The following CABCOCO1 variants were observed in gnomAD, a reference collection of about 807,000 sequenced individuals.
CABCOCO1 encodes ciliary associated calcium binding coiled-coil 1.
Under a neutral mutation model 35.7 loss-of-function variants are expected in CABCOCO1, and 28 were observed. The ratio of observed to expected loss-of-function variants is 0.78; its 90% confidence interval spans 0.58 to 1.07. The LOEUF is 1.07. Among genes scored for constraint, CABCOCO1 ranks in the 50% least tolerant of loss-of-function variants. CABCOCO1 has a pLI of 0.00. For missense variants in CABCOCO1, 326 were observed against 309.2 expected (o/e 1.05, Z -0.41); for synonymous variants, 95 against 100.1 (o/e 0.95, Z 0.30).
At chr10:61,691,678 G>A (rs1343737257) in intron 5 of CABCOCO1, among the ~76,000 whole-genome samples, 2 of 151,534 alleles carry the variant, frequency 1.3e-5, no homozygotes, top group African/African-American at 4.9e-5. Context: ...AGTGTGTGAT[G>A]TTCCCCTCCC....
intron 5 of CABCOCO1, among the ~76,000 whole-genome samples, chr10:61,751,755 T>G (rs1841793400): frequency 6.6e-6 from 1 of 152,180 alleles, no homozygotes; most frequent in Admixed American, 6.5e-5. Flanking sequence ...GTAGCTGGAC[T>G]AGAGACGACC....
intron 4 of CABCOCO1, 147 bp downstream of exon 4, chr10:61,686,332 ATCT>A (rs1460562932): frequency 6.5e-6 from 4 of 616,422 alleles, no homozygotes; most frequent in Non-Finnish European, 1.0e-5. Context: ...AGGTACTTAA[ATCT>A]TCTTTAAATT....
chr10:61,760,460 A>G (rs951696381), intron 6 of CABCOCO1, among the ~76,000 whole-genome samples: 2 of 152,080 alleles, frequency 1.3e-5, no homozygotes, highest in African/African-American at 4.8e-5. Flanking sequence ...ATGAACAGGA[A>G]TATAAATACA....
chr10:61,695,811 G>A (rs1343171929), intron 5 of CABCOCO1, among the ~76,000 whole-genome samples: 1 of 151,946 alleles, frequency 6.6e-6, no homozygotes, highest in Non-Finnish European at 1.5e-5. Context: ...AAAAGGCAAA[G>A]AAGGCAACAG....
chr10:61,695,107 C>G (rs1400923607), intron 5 of CABCOCO1, among the ~76,000 whole-genome samples: 1 of 151,550 alleles, frequency 6.6e-6, no homozygotes, highest in Admixed American at 6.6e-5. Flanking sequence ...TAGTCATGTG[C>G]TTGAAAATAA....
intron 5 of CABCOCO1, among the ~76,000 whole-genome samples, chr10:61,732,866 T>C (rs1318000298): frequency 1.3e-5 from 2 of 152,068 alleles, no homozygotes; most frequent in Non-Finnish European, 2.9e-5. Flanking sequence ...GAAAATAAAC[T>C]AGTGAAATTG....
chr10:61,689,820 C>T (rs1840080088), intron 4 of CABCOCO1, among the ~76,000 whole-genome samples: 1 of 152,040 alleles, frequency 6.6e-6, no homozygotes, highest in Non-Finnish European at 1.5e-5. Flanking sequence ...GAAGTCAGCC[C>T]TTCAGTAAAT....
chr10:61,724,676 A>C (rs1366086050), intron 5 of CABCOCO1, among the ~76,000 whole-genome samples: 1 of 152,206 alleles, frequency 6.6e-6, no homozygotes, highest in Non-Finnish European at 1.5e-5. Context: ...TAATTGTAAA[A>C]CATCAAAATT....
intron 5 of CABCOCO1, among the ~76,000 whole-genome samples, chr10:61,720,690 G>GC (rs1397624941): frequency 8.2e-5 from 3 of 36,744 alleles, no homozygotes; most frequent in Admixed American, 5.5e-4. Context: ...ATCATGTGGT[G>GC]GGGGGGCAGG....
At chr10:61,731,608 T>C (rs555504985) in intron 5 of CABCOCO1, among the ~76,000 whole-genome samples, 76 of 152,066 alleles carry the variant, frequency 5.0e-4, no homozygotes, top group African/African-American at 1.8e-3. Flanking sequence ...AACAGATTTT[T>C]GCAGCAAAAT....
At chr10:61,678,550 A>G (rs1839596206) in intron 2 of CABCOCO1, among the ~76,000 whole-genome samples, 1 of 152,140 alleles carries the variant, frequency 6.6e-6, no homozygotes, top group Non-Finnish European at 1.5e-5. Context: ...TCACATATAT[A>G]TATATATGAC....
At chr10:61,756,775 T>C (rs181672086) in intron 5 of CABCOCO1, among the ~76,000 whole-genome samples, 33 of 152,168 alleles carry the variant, frequency 2.2e-4, no homozygotes, top group Admixed American at 3.9e-4. Flanking sequence ...TATTCTCATA[T>C]AGAAGAAGGG....
intron 5 of CABCOCO1, among the ~76,000 whole-genome samples, chr10:61,730,597 G>A (rs1841280635): frequency 6.6e-6 from 1 of 151,924 alleles, no homozygotes; most frequent in Admixed American, 6.6e-5. Context: ...AGTTTGGTAA[G>A]GAATCAAATA....
Position 61,686,111 on chromosome 10 carries a change from T to C in CABCOCO1, c.405T>C (p.His135=), listed in dbSNP as rs1564535063. The stretch of plus-strand genomic sequence containing the variant: ...TTATGGCTGAAATAGGACCAACACA[T>C]TCGCAAAAGAGTGAGGACTGGAATA... ...GEVMAEIGPT[H]SQKSEDWNIF... is the part of the protein sequence containing the mutation. The change falls in exon 4 of 8, where the codon CAT becomes CAC. Residue 135 remains histidine (H), a synonymous_variant. Coordinates refer to ENST00000648843, the MANE Select transcript of CABCOCO1 (RefSeq NM_001366906.2). The C allele has an allele frequency of 6.2e-7, 1 of 1,608,118 alleles. No individual in the cohort carries two copies. Among genetic ancestry groups the C allele is most frequent in the South Asian group, 1.1e-5 (1 of 89,590 alleles).
At chr10:61,760,683 A>G (rs2132093563) in intron 6 of CABCOCO1, among the ~76,000 whole-genome samples, 180 bp from the exon 7 acceptor site, 1 of 152,202 alleles carries the variant, frequency 6.6e-6, no homozygotes, top group South Asian at 2.1e-4. Flanking sequence ...TGACAGGTTG[A>G]TAGGTGCAGA....
intron 5 of CABCOCO1, among the ~76,000 whole-genome samples, chr10:61,703,269 C>CAA (rs1840508017): frequency 6.7e-6 from 1 of 148,700 alleles, no homozygotes; most frequent in South Asian, 2.2e-4. Flanking sequence ...CACACACACA[C>CAA]TCTAAACAGC....
chr10:61,680,315 A>ATAT (rs1554821443), intron 2 of CABCOCO1, among the ~76,000 whole-genome samples: 4 of 114,158 alleles, frequency 3.5e-5, no homozygotes, highest in East Asian at 5.8e-4. Flanking sequence ...TGTCTCAAAA[A>ATAT]AAATATATAT....
At chr10:61,701,659 G>A (rs1400187430) in intron 5 of CABCOCO1, 3 of 984,990 alleles carry the variant, frequency 3.0e-6, no homozygotes, top group African/African-American at 3.5e-5. Flanking sequence ...CCACACTTCT[G>A]GCTTAAAGTG....
At chr10:61,680,654 A>G (rs1413257124) in intron 2 of CABCOCO1, among the ~76,000 whole-genome samples, 1 of 86,446 alleles carries the variant, frequency 1.2e-5, no homozygotes, top group Non-Finnish European at 2.4e-5. Flanking sequence ...AATATATATT[A>G]TGTTATACAT....
Sources: allele counts gnomAD v4.1 joint callset (sites outside exome capture counted in the v4.1 genomes callset), GRCh38; gene constraint gnomAD v4.1.1; transcripts MANE v1.5; gene names NCBI Gene and HGNC (gene_info 2026-07-23, HGNC 2026-07-21).